Variants in PTPRD observed in about 807,000 individuals in gnomAD.
PTPRD encodes the protein receptor-type tyrosine-protein phosphatase delta.
PTPRD carries 34 observed loss-of-function variants against 214.5 expected under a neutral mutation model. The observed-to-expected ratio is 0.16, with a 90% CI of 0.12 to 0.21. The LOEUF (loss-of-function observed/expected upper bound fraction) is 0.21, where lower values mean the gene tolerates loss of function less well. PTPRD is among the 10% of genes least tolerant of loss of function. The probability of loss-of-function intolerance (pLI) is 1.00; values close to 1 mark genes in which losing one functional copy is unlikely to be tolerated. For synonymous variants in PTPRD, 1,128 were observed against 845.7 expected (o/e 1.33, Z -5.79); for missense variants, 2,545 against 2,398.7 (o/e 1.06, Z -1.27).
chr9:9,123,794 T>G (rs998094731), intron 10 of PTPRD, among the ~76,000 whole-genome samples: 1 of 152,100 alleles, frequency 6.6e-6, no homozygotes, highest in Non-Finnish European at 1.5e-5. Context: ...AGTCATCACA[T>G]GCAAATTTAG....
At chr9:9,219,878 C>T (rs1247958305) in intron 9 of PTPRD, among the ~76,000 whole-genome samples, 1 of 152,186 alleles carries the variant, frequency 6.6e-6, no homozygotes, top group Middle Eastern at 3.2e-3. Flanking sequence ...TTCAGCAAAA[C>T]ATTGGGACTA....
chr9:8,471,465 T>A (rs1047250843), intron 30 of PTPRD, among the ~76,000 whole-genome samples: 2 of 152,106 alleles, frequency 1.3e-5, no homozygotes, highest in Admixed American at 6.6e-5. Context: ...TAAGAAGATG[T>A]TTTTAAAAGG....
At chr9:8,893,133 G>C (rs921718009) in intron 11 of PTPRD, among the ~76,000 whole-genome samples, 7 of 151,936 alleles carry the variant, frequency 4.6e-5, no homozygotes, top group African/African-American at 1.7e-4. Context: ...TATGATAGAA[G>C]ACATTTGAAG....
intron 12 of PTPRD, among the ~76,000 whole-genome samples, chr9:8,670,474 G>A (rs550967856): frequency 3.3e-5 from 5 of 152,092 alleles, no homozygotes; most frequent in Non-Finnish European, 7.4e-5. Context: ...TTCTGTGTCT[G>A]GCTAATAAGT....
intron 5 of PTPRD, among the ~76,000 whole-genome samples, chr9:9,861,369 C>A (rs1438465433): frequency 1.3e-5 from 2 of 152,082 alleles, no homozygotes; most frequent in Non-Finnish European, 2.9e-5. Flanking sequence ...CGGCTCACTG[C>A]AACCTCCGCC....
chr9:9,950,050 C>T (rs537237442), intron 4 of PTPRD, among the ~76,000 whole-genome samples: 7 of 152,174 alleles, frequency 4.6e-5, no homozygotes, highest in African/African-American at 1.7e-4. Context: ...AACGTACCAT[C>T]ATAGTCCAGC....
At chr9:9,692,570 A>C (rs1290501001) in intron 7 of PTPRD, among the ~76,000 whole-genome samples, 2 of 151,584 alleles carry the variant, frequency 1.3e-5, no homozygotes, top group African/African-American at 4.8e-5. Flanking sequence ...TGATTTCTTC[A>C]GTTTTGTTCT....
At chr9:9,044,254 A>T (rs536698330) in intron 10 of PTPRD, among the ~76,000 whole-genome samples, 1 of 152,334 alleles carries the variant, frequency 6.6e-6, no homozygotes, top group East Asian at 1.9e-4. Context: ...AACACTCAAC[A>T]TGTCACCAAA....
intron 5 of PTPRD, among the ~76,000 whole-genome samples, chr9:9,812,419 C>G (rs1447498051): frequency 6.6e-6 from 1 of 151,836 alleles, no homozygotes; most frequent in Non-Finnish European, 1.5e-5. Context: ...CAGCAATATG[C>G]TCCCTGTGAG....
At chr9:9,399,354 A>T (rs938161250) in intron 8 of PTPRD, among the ~76,000 whole-genome samples, 4 of 151,994 alleles carry the variant, frequency 2.6e-5, no homozygotes, top group African/African-American at 9.7e-5. Flanking sequence ...TTTTCATTCC[A>T]ATCCCCTCTG....
At chr9:8,721,218 C>A (rs552973555) in intron 12 of PTPRD, among the ~76,000 whole-genome samples, 68 of 151,786 alleles carry the variant, frequency 4.5e-4, no homozygotes, top group Non-Finnish European at 8.8e-4. Flanking sequence ...CATCTGAGGT[C>A]AGGAGTTCGA....
intron 10 of PTPRD, among the ~76,000 whole-genome samples, chr9:9,165,500 G>A (rs1592746771): frequency 6.6e-6 from 1 of 152,282 alleles, no homozygotes; most frequent in African/African-American, 2.4e-5. Context: ...AGTCAGAAAT[G>A]GCTGCTGTTT....
intron 7 of PTPRD, among the ~76,000 whole-genome samples, chr9:9,586,787 A>G (rs558194698): frequency 5.3e-5 from 8 of 152,098 alleles, no homozygotes; most frequent in Admixed American, 5.3e-4. Flanking sequence ...ACAGAGGGGA[A>G]AAAAGAGATA....
intron 24 of PTPRD, 78 bp from the exon 25 acceptor site, chr9:8,499,918 C>T: frequency 3.1e-6 from 4 of 1,285,392 alleles, no homozygotes; most frequent in African/African-American, 1.5e-5. Context: ...ATTTTCTTTA[C>T]TTAGGTTTCT....
chr9:8,393,603 C>G (rs2090275546), intron 36 of PTPRD, among the ~76,000 whole-genome samples: 1 of 152,142 alleles, frequency 6.6e-6, no homozygotes, highest in Non-Finnish European at 1.5e-5. Flanking sequence ...CAGCTTACCT[C>G]TAAGACTGGT....
chr9:9,212,912 G>T (rs368056246), intron 9 of PTPRD, among the ~76,000 whole-genome samples: 5 of 152,078 alleles, frequency 3.3e-5, no homozygotes, highest in African/African-American at 1.2e-4. Context: ...TTGAACTCCC[G>T]TGCCTTTGGT....
chr9:9,385,713 T>G (rs987122328), intron 9 of PTPRD, among the ~76,000 whole-genome samples: 1 of 152,168 alleles, frequency 6.6e-6, no homozygotes, highest in Non-Finnish European at 1.5e-5. Context: ...CATTAAACCA[T>G]GTACTTTTCT....
chr9:8,539,828 A>G (rs907342677), intron 14 of PTPRD, among the ~76,000 whole-genome samples: 1 of 152,130 alleles, frequency 6.6e-6, no homozygotes, highest in Non-Finnish European at 1.5e-5. Context: ...ACAAAATACA[A>G]TTCTGAACTG....
At chr9:8,397,116 G>T (rs7872461) in intron 36 of PTPRD, among the ~76,000 whole-genome samples, 56,571 of 151,860 alleles carry the variant, frequency 0.37, 11,140 homozygotes, top group African/African-American at 0.46. Flanking sequence ...AGGATTTATT[G>T]TTTTTAAATG....
Sources: gnomAD v4.1 joint callset for allele counts (sites outside exome capture counted in the v4.1 genomes callset) on GRCh38, gnomAD v4.1.1 for gene constraint, MANE v1.5 for transcripts, NCBI Gene and HGNC (gene_info 2026-07-23, HGNC 2026-07-21) for gene names.